The following ACOXL variants were observed in gnomAD, a reference collection of about 807,000 sequenced individuals.
ACOXL encodes the protein acyl-CoA oxidase like.
A neutral mutation model predicts 71.9 loss-of-function variants in ACOXL; 70 were observed. That is an observed-to-expected ratio of 0.97 (90% CI 0.80 to 1.19). ACOXL has a LOEUF of 1.19. Ranked by LOEUF, ACOXL falls within the 50% of genes most tolerant of loss-of-function variation. The probability of loss-of-function intolerance (pLI) is 0.00; values close to 1 mark genes in which losing one functional copy is unlikely to be tolerated. For missense variants in ACOXL, 703 were observed against 736.3 expected (o/e 0.95, Z 0.52); for synonymous variants, 253 against 281.6 (o/e 0.90, Z 1.02).
intron 17 of ACOXL, chr2:111,093,646 CCT>C: frequency 7.4e-6 from 8 of 1,081,738 alleles, no homozygotes; most frequent in Non-Finnish European, 1.1e-5. Context: ...GGGCAGATCT[CCT>C]GAGCTCAGGA....
At chr2:110,983,669 C>T (rs1191536562) in intron 12 of ACOXL, among the ~76,000 whole-genome samples, 1 of 152,204 alleles carries the variant, frequency 6.6e-6, no homozygotes, top group Non-Finnish European at 1.5e-5. Context: ...ATAAGTAAAA[C>T]ACCAGGCTTA....
intron 10 of ACOXL, among the ~76,000 whole-genome samples, chr2:110,883,269 C>G (rs1696890768): frequency 1.3e-5 from 2 of 152,080 alleles, no homozygotes; most frequent in Admixed American, 6.5e-5. Flanking sequence ...GCCACCATGC[C>G]TAGCTAATTT....
chr2:110,924,730 G>T (rs1040508828), intron 11 of ACOXL, among the ~76,000 whole-genome samples: 1 of 142,296 alleles, frequency 7.0e-6, no homozygotes, highest in African/African-American at 2.5e-5. Context: ...ATCCATGAGG[G>T]TTGGAACATC....
At position 111,117,950 on chromosome 2, in the gene ACOXL, G is replaced by A. The variant is rs2070473469; in HGVS notation, c.*134G>A. The A allele has an allele frequency of 9.0e-7, 1 of 1,110,970 alleles. No homozygotes were observed. The highest frequency in any genetic ancestry group is 1.6e-5 in the African/African-American group (1 of 63,524). 68.8% of individuals were successfully genotyped at this position (1,110,970 alleles called of 1,614,324 possible). ...CTCTCGGGGATTTTGGTGGCAAAGC[G>A]GAGGTCCCGCCGAGGCTGGCGAGGT... On this transcript the variant is annotated 3_prime_UTR_variant, in exon 18 of 18. Transcript: ENST00000439055.
chr2:111,008,632 G>A (rs767787734), intron 14 of ACOXL, among the ~76,000 whole-genome samples: 1 of 152,120 alleles, frequency 6.6e-6, no homozygotes, highest in Non-Finnish European at 1.5e-5. Flanking sequence ...TTCAGGGTAG[G>A]TTTCTAGAAA....
At chr2:111,086,103 C>G (rs2068191879) in intron 16 of ACOXL, among the ~76,000 whole-genome samples, 1 of 152,076 alleles carries the variant, frequency 6.6e-6, no homozygotes, top group Non-Finnish European at 1.5e-5. Flanking sequence ...AGCCCAGGAC[C>G]AGATGGATTC....
At chr2:111,044,971 G>C (rs1171296072) in intron 15 of ACOXL, among the ~76,000 whole-genome samples, 1 of 152,064 alleles carries the variant, frequency 6.6e-6, no homozygotes, top group Non-Finnish European at 1.5e-5. Flanking sequence ...AAAGTCTCTG[G>C]TTCTCCCTTC....
At chr2:110,876,444 G>A (rs938583936) in intron 10 of ACOXL, among the ~76,000 whole-genome samples, 2 of 152,194 alleles carry the variant, frequency 1.3e-5, no homozygotes, top group Non-Finnish European at 2.9e-5. Flanking sequence ...CCCAGGCTGA[G>A]GCCCGTCCCT....
At chr2:111,065,417 A>T (rs2067016907) in intron 16 of ACOXL, among the ~76,000 whole-genome samples, 1 of 152,274 alleles carries the variant, frequency 6.6e-6, no homozygotes, top group Admixed American at 6.5e-5. Flanking sequence ...AAACTTTAGA[A>T]GTAAACATAT....
chr2:111,045,994 A>T (rs557541654), intron 15 of ACOXL, among the ~76,000 whole-genome samples: 1 of 152,244 alleles, frequency 6.6e-6, no homozygotes, highest in South Asian at 2.1e-4. Flanking sequence ...CTGGGATAGG[A>T]TCCAAGCCCA....
intron 11 of ACOXL, among the ~76,000 whole-genome samples, chr2:110,928,976 T>C (rs898671787): frequency 2.0e-5 from 3 of 152,214 alleles, no homozygotes; most frequent in Non-Finnish European, 4.4e-5. Context: ...TTAAACCTGT[T>C]TTTCTTTATA....
intron 10 of ACOXL, among the ~76,000 whole-genome samples, chr2:110,870,284 T>C (rs1695113137): frequency 6.6e-6 from 1 of 151,792 alleles, no homozygotes; most frequent in African/African-American, 2.4e-5. Flanking sequence ...TAGTCAGCTG[T>C]CGCTGGGCAG....
At chr2:110,921,727 T>G (rs1163355141) in intron 11 of ACOXL, among the ~76,000 whole-genome samples, 1 of 152,164 alleles carries the variant, frequency 6.6e-6, no homozygotes, top group East Asian at 1.9e-4. Context: ...AAGGTTAGAT[T>G]ACTGCTTTGA....
chr2:110,949,156 T>A (rs907692551), intron 12 of ACOXL, among the ~76,000 whole-genome samples: 2 of 152,172 alleles, frequency 1.3e-5, no homozygotes, highest in African/African-American at 2.4e-5. Flanking sequence ...TTCACCATAA[T>A]GCCAAGTGAC....
chr2:110,974,683 G>T (rs1453689682), intron 12 of ACOXL, among the ~76,000 whole-genome samples: 1 of 152,166 alleles, frequency 6.6e-6, no homozygotes, highest in Admixed American at 6.5e-5. Flanking sequence ...ACCAGGAAGG[G>T]GTGTCCTCTT....
intron 2 of ACOXL, among the ~76,000 whole-genome samples, chr2:110,773,520 C>T (rs1682239177): frequency 6.6e-6 from 1 of 152,184 alleles, no homozygotes; most frequent in Non-Finnish European, 1.5e-5. Flanking sequence ...CAGTGCCAGC[C>T]CCAGCGAGTG....
chr2:110,736,621 T>C (rs1416105063), intron 1 of ACOXL, among the ~76,000 whole-genome samples: 17 of 11,704 alleles, frequency 1.5e-3, no homozygotes, highest in Non-Finnish European at 2.2e-3. Flanking sequence ...TGATTACTCT[T>C]TTTTTTTTTT....
intron 9 of ACOXL, among the ~76,000 whole-genome samples, chr2:110,823,114 G>A (rs937290881): frequency 1.8e-4 from 27 of 152,000 alleles, no homozygotes; most frequent in African/African-American, 4.3e-4. Context: ...TTAGCTGGGC[G>A]TGGTGGCATG....
At chr2:111,100,826 G>T (rs992969965) in intron 17 of ACOXL, 8 of 152,668 alleles carry the variant, frequency 5.2e-5, no homozygotes, top group Non-Finnish European at 1.0e-4. Flanking sequence ...CTGAGTGAGG[G>T]AGAGCTGCTC....
Sources: gnomAD v4.1 joint callset for allele counts (sites outside exome capture counted in the v4.1 genomes callset) on GRCh38, gnomAD v4.1.1 for gene constraint, MANE v1.5 for transcripts, NCBI Gene and HGNC (gene_info 2026-07-23, HGNC 2026-07-21) for gene names.